The following FHOD3 variants were observed in gnomAD, a reference collection of about 807,000 sequenced individuals.
The protein encoded by FHOD3 is formin homology 2 domain containing 3.
In FHOD3, 90 loss-of-function variants were observed where a neutral mutation model predicts 173.0. The ratio of observed to expected loss-of-function variants is 0.52; its 90% confidence interval spans 0.44 to 0.62. The LOEUF (loss-of-function observed/expected upper bound fraction) is 0.62, where lower values mean the gene tolerates loss of function less well. FHOD3 is among the 20% of genes least tolerant of loss of function. The pLI is 0.00. For missense variants in FHOD3, 1,945 were observed against 2,034.7 expected (o/e 0.96, Z 0.85); for synonymous variants, 828 against 823.0 (o/e 1.01, Z -0.10).
intron 6 of FHOD3, among the ~76,000 whole-genome samples, chr18:36,592,945 G>A (rs1001255413): frequency 6.6e-6 from 1 of 152,138 alleles, no homozygotes; most frequent in African/African-American, 2.4e-5. Context: ...GATCTTAGAT[G>A]GACTTTCAAA....
intron 1 of FHOD3, among the ~76,000 whole-genome samples, chr18:36,352,087 C>T (rs539088545): frequency 3.9e-5 from 6 of 152,118 alleles, no homozygotes; most frequent in East Asian, 1.9e-4. Flanking sequence ...TCAGGAATTT[C>T]GTGAGCCACT....
At chr18:36,760,834 G>T (rs1165036737) in intron 27 of FHOD3, 52 bp downstream of exon 27, 6 of 1,516,506 alleles carry the variant, frequency 4.0e-6, no homozygotes, top group South Asian at 2.5e-5. Flanking sequence ...TGGCCGCTCT[G>T]GGGGGGTCCG....
chr18:36,355,508 G>A lies in FHOD3; in HGVS notation c.166-31G>A, dbSNP rs1239327495. 1.9e-6 allele frequency: 3 copies of A among 1,572,016 alleles called. No individual in the cohort carries two copies. In the South Asian group the frequency reaches 3.3e-5, roughly 17 times the overall value. On this transcript the variant is annotated intron_variant, in intron 1 of 28. Coordinates refer to ENST00000590592, the MANE Select transcript of FHOD3 (RefSeq NM_001281740.3). ...ATATGTAGTCTCCATCTGAGGAGCA[G>A]GTTGGGTATAACAGGCTCTTTCTCT...
At chr18:36,725,771 C>G (rs2041032428) in intron 19 of FHOD3, among the ~76,000 whole-genome samples, 1 of 152,170 alleles carries the variant, frequency 6.6e-6, no homozygotes, top group South Asian at 2.1e-4. Context: ...GTTAGTTTTT[C>G]TGATTCCATA....
intron 28 of FHOD3, among the ~76,000 whole-genome samples, chr18:36,770,158 G>A (rs1405782963): frequency 6.6e-6 from 1 of 152,332 alleles, no homozygotes; most frequent in Middle Eastern, 3.4e-3. Flanking sequence ...CTGTGGCCTT[G>A]AGTGTTTCAG....
At chr18:36,426,871 G>T (rs559181933) in intron 3 of FHOD3, among the ~76,000 whole-genome samples, 1 of 151,790 alleles carries the variant, frequency 6.6e-6, no homozygotes, top group Admixed American at 6.6e-5. Flanking sequence ...AAGTCACATA[G>T]TTATAAATGG....
intron 14 of FHOD3, among the ~76,000 whole-genome samples, chr18:36,674,016 A>G (rs577215465): frequency 6.6e-6 from 1 of 152,200 alleles, no homozygotes. Context: ...TCCACCTCAC[A>G]TATGTGTTAA....
At chr18:36,321,004 A>C (rs2044365097) in intron 1 of FHOD3, among the ~76,000 whole-genome samples, 1 of 151,918 alleles carries the variant, frequency 6.6e-6, no homozygotes, top group Admixed American at 6.6e-5. Flanking sequence ...CAGTTTCCTC[A>C]TCTGCAAAAT....
intron 18 of FHOD3, among the ~76,000 whole-genome samples, chr18:36,716,050 G>C (rs189726162): frequency 6.6e-6 from 1 of 152,318 alleles, no homozygotes; most frequent in African/African-American, 2.4e-5. Flanking sequence ...AAGGATCATG[G>C]AAGGCCTTGT....
intron 3 of FHOD3, among the ~76,000 whole-genome samples, chr18:36,465,702 G>C (rs1425672551): frequency 6.6e-6 from 1 of 152,048 alleles, no homozygotes; most frequent in African/African-American, 2.4e-5. Flanking sequence ...TTCTTTCAAG[G>C]ACCAAGCCTA....
intron 5 of FHOD3, among the ~76,000 whole-genome samples, chr18:36,551,482 T>C (rs1202804646): frequency 6.6e-6 from 1 of 151,930 alleles, no homozygotes; most frequent in Non-Finnish European, 1.5e-5. Context: ...TTTAATTAAT[T>C]AATTTAATTA....
At chr18:36,617,231 T>C (rs928125430) in intron 9 of FHOD3, among the ~76,000 whole-genome samples, 9 of 152,230 alleles carry the variant, frequency 5.9e-5, no homozygotes, top group Non-Finnish European at 1.3e-4. Context: ...CCTCACATGC[T>C]TGTGTCCTTT....
At chr18:36,368,329 T>G (rs1462581509) in intron 2 of FHOD3, among the ~76,000 whole-genome samples, 1 of 152,146 alleles carries the variant, frequency 6.6e-6, no homozygotes, top group Non-Finnish European at 1.5e-5. Context: ...AAAATAATAG[T>G]CTAAAGATGC....
chr18:36,551,751 G>A (rs1018924013), intron 5 of FHOD3, among the ~76,000 whole-genome samples: 2 of 152,148 alleles, frequency 1.3e-5, no homozygotes, highest in African/African-American at 2.4e-5. Context: ...TATTAAATAG[G>A]GAATCCTTTC....
chr18:36,612,799 A>G lies in FHOD3; in HGVS notation c.957+704A>G, dbSNP rs1011028999. Among the ~76,000 whole-genome samples, 5 of 152,338 alleles carry G rather than the reference A, an allele frequency of 3.3e-5. No homozygotes were observed. In the South Asian group the frequency reaches 8.3e-4, roughly 25 times the overall value. On this transcript the variant is annotated intron_variant, in intron 9 of 28. Transcript: ENST00000590592. ...CTAAATCATATTTTGTAGCTCCCAT[A>G]TGCACGTGTATTTTGTTCTTACCAA...
chr18:36,478,504 C>T (rs1425702495), intron 3 of FHOD3, among the ~76,000 whole-genome samples: 2 of 98,800 alleles, frequency 2.0e-5, no homozygotes, highest in Non-Finnish European at 4.3e-5. Flanking sequence ...CTAGCTCTTA[C>T]TCATTCTTTC....
chr18:36,629,225 C>T (rs1480882318), intron 10 of FHOD3, among the ~76,000 whole-genome samples: 4 of 152,302 alleles, frequency 2.6e-5, no homozygotes, highest in Non-Finnish European at 5.9e-5. Context: ...GAGTACCAGA[C>T]GGTCTCTATT....
chr18:36,682,422 T>C (rs1477919548), intron 15 of FHOD3, among the ~76,000 whole-genome samples: 1 of 152,184 alleles, frequency 6.6e-6, no homozygotes, highest in African/African-American at 2.4e-5. Context: ...CTATAGCTTC[T>C]ACATTCTTTC....
At chr18:36,312,163 A>G (rs1461872076) in intron 1 of FHOD3, among the ~76,000 whole-genome samples, 1 of 152,188 alleles carries the variant, frequency 6.6e-6, no homozygotes, top group Non-Finnish European at 1.5e-5. Flanking sequence ...AGAATCTCAC[A>G]GCAGCAATTG....
Sources: allele counts gnomAD v4.1 joint callset (sites outside exome capture counted in the v4.1 genomes callset), GRCh38; gene constraint gnomAD v4.1.1; transcripts MANE v1.5; gene names NCBI Gene and HGNC (gene_info 2026-07-23, HGNC 2026-07-21).